Variants in PHKA2 observed in about 807,000 individuals in gnomAD.
The protein encoded by PHKA2 is phosphorylase kinase regulatory subunit alpha 2.
PHKA2 carries 31 observed loss-of-function variants against 102.0 expected under a neutral mutation model. That is an observed-to-expected ratio of 0.30 (90% CI 0.23 to 0.41). PHKA2 has a LOEUF of 0.41. Among genes scored for constraint, PHKA2 ranks in the 10% least tolerant of loss-of-function variants. The probability of loss-of-function intolerance (pLI) is 1.00; values close to 1 mark genes in which losing one functional copy is unlikely to be tolerated. For missense variants in PHKA2, 858 were observed against 1,023.1 expected, an observed-to-expected ratio of 0.84 and a Z score of 2.20; for synonymous variants, 455 against 416.2, an observed-to-expected ratio of 1.09 and a Z score of -1.13.
Position 18,932,380 on chromosome X carries a change from G to A in PHKA2, c.1138-632C>T, listed in dbSNP as rs1184355781. Among the ~76,000 whole-genome samples the A allele has an allele frequency of 5.4e-5, 6 of 111,091 alleles. No homozygotes were observed. In the East Asian group the frequency reaches 1.7e-3, roughly 32 times the overall value. On this transcript the variant is annotated intron_variant, in intron 11 of 32. Transcript: ENST00000379942. ...TTTCTCTCTTTTAAACTCCATGCTG[G>A]ACTTTGACATTTCAGTCATCACATC...
chrX:18,955,154 T>C (rs1031342360), intron 1 of PHKA2, among the ~76,000 whole-genome samples: 1 of 112,580 alleles, frequency 8.9e-6, no homozygotes, highest in Non-Finnish European at 1.9e-5. Context: ...CAATGAAACA[T>C]TATTTGGCAG....
At chrX:18,903,159 C>T (rs2047730309) in intron 26 of PHKA2, among the ~76,000 whole-genome samples, 1 of 112,216 alleles carries the variant, frequency 8.9e-6, no homozygotes. Context: ...TGGTATGGTT[C>T]TGTGACCTGC....
chrX:18,896,621 G>A (rs1264556371), intron 30 of PHKA2: 1 of 160,538 alleles, frequency 6.2e-6, no homozygotes, highest in Non-Finnish European at 1.2e-5. Flanking sequence ...TGAACAGCAG[G>A]GACACTACTC....
At chrX:18,940,118 C>T in intron 8 of PHKA2, 70 bp from the exon 9 acceptor site, 1 of 672,828 alleles carries the variant, frequency 1.5e-6, no homozygotes, top group South Asian at 2.2e-5. Flanking sequence ...GTCAGCCCTG[C>T]ACCCTCTTTC....
At chrX:18,912,302 T>C (rs773960991) in intron 19 of PHKA2, among the ~76,000 whole-genome samples, 1 of 111,894 alleles carries the variant, frequency 8.9e-6, no homozygotes, top group African/African-American at 3.3e-5. Context: ...ATGAACAGCA[T>C]AGAGTGTACT....
chrX:18,915,901 G>A (rs2048012409), intron 19 of PHKA2, among the ~76,000 whole-genome samples: 1 of 111,418 alleles, frequency 9.0e-6, no homozygotes, highest in Admixed American at 9.6e-5. Flanking sequence ...AAAGAACAGA[G>A]AAAATGTTGG....
intron 1 of PHKA2, among the ~76,000 whole-genome samples, chrX:18,957,575 T>C (rs1251399613): frequency 1.8e-5 from 2 of 110,813 alleles, no homozygotes; most frequent in Non-Finnish European, 3.8e-5. Flanking sequence ...ACACAGAGCA[T>C]TGTAGAAATA....
chrX:18,953,845 G>A (rs1002591478), intron 2 of PHKA2, among the ~76,000 whole-genome samples: 4 of 110,623 alleles, frequency 3.6e-5, no homozygotes, highest in East Asian at 5.7e-4. Flanking sequence ...AATTAGCTGC[G>A]CGTGGTGGCA....
At position 18,929,326 on chromosome X, in the gene PHKA2, A is replaced by T. The variant is rs1461298312; in HGVS notation, c.1246-20T>A. ...GAATCCCTATGAAAAGAGGAGCATT[A>T]ACACTATGAAATATTGATTAACTAA... On this transcript the variant is annotated intron_variant, in intron 12 of 32. Transcript: ENST00000379942. 1 of 1,016,433 alleles carries T rather than the reference A, an allele frequency of 9.8e-7. No homozygotes were observed. Among genetic ancestry groups the T allele is most frequent in the South Asian group, 2.0e-5 (1 of 49,506 alleles). The allele number at this position is 1,016,433 out of a possible 1,213,427, so 83.8% of individuals were successfully genotyped here. A position where few individuals can be genotyped will look rare whatever the true frequency, so the allele number is the denominator to read the frequency against.
At position 18,953,703 on chromosome X, in the gene PHKA2, G is replaced by A. The variant is rs1412532730; in HGVS notation, c.237+551C>T. Among the ~76,000 whole-genome samples the A allele has an allele frequency of 4.5e-5, 5 of 112,190 alleles. No individual in the cohort carries two copies. In the East Asian group the frequency reaches 1.4e-3, roughly 31 times the overall value. On this transcript the variant is annotated intron_variant, in intron 2 of 32. Transcript: ENST00000379942. ...ACACTTTGGGGTTAGAAATGTGGAT[G>A]CAGCCAGGTGCGGTGGCTCAGGCCT...
In PHKA2 at chrX:18,894,283, G is replaced by A. The variant is rs768511577; in HGVS notation, c.3458C>T (p.Thr1153Met). The change falls in exon 32 of 33, where the codon ACG (threonine) becomes ATG (methionine). Residue 1153 changes from threonine (T) to methionine (M), a missense_variant. Around this residue, in one of 2 missense-constraint regions of PHKA2, gnomAD observed 671 missense variants for 745.2 expected, o/e 0.90. Coordinates refer to ENST00000379942, the MANE Select transcript of PHKA2 (RefSeq NM_000292.3). ...GATGCCCCCGATGCTGGTCATCTCC[G>A]TGTCCGAGAGCAGCGTCAGCACCAT... ...AIMVLTLLSD[T>M]EMTSIGGIIH... 14 of 1,209,693 alleles carry A rather than the reference G, an allele frequency of 1.2e-5. No individual in the cohort carries two copies. The highest frequency in any genetic ancestry group is 6.5e-5 in the Admixed American group (3 of 45,834).
chrX:18,941,540 A>G lies in PHKA2; in HGVS notation c.853T>C (p.Ser285Pro). 1 of 1,209,644 alleles carries G rather than the reference A, an allele frequency of 8.3e-7. No individual in the cohort carries two copies. The highest frequency in any genetic ancestry group is 1.1e-6 in the Non-Finnish European group (1 of 893,324). The change falls in exon 8 of 33, where the codon TCT becomes CCT. Residue 285 changes from serine (S) to proline (P), a missense_variant. This residue lies in a region of PHKA2 where 187 missense variants were observed against 277.9 expected (regional missense o/e 0.67). Coordinates refer to ENST00000379942, the MANE Select transcript of PHKA2 (RefSeq NM_000292.3). ...LVNVTKNEII[S>P]KLQGRYGCCR... ...TGACTAATGCTTACCTGGAGCTTAG[A>G]AATAATTTCATTTTTGGTCACATTT...
At chrX:18,978,628 G>A (rs924741036) in intron 1 of PHKA2, among the ~76,000 whole-genome samples, 9 of 110,041 alleles carry the variant, frequency 8.2e-5, no homozygotes, top group African/African-American at 1.7e-4. Context: ...CAGGAGAATC[G>A]CTTGAACCTG....
chrX:18,903,586 G>T (rs1188037168), intron 26 of PHKA2, among the ~76,000 whole-genome samples: 1 of 112,385 alleles, frequency 8.9e-6, no homozygotes, highest in Non-Finnish European at 1.9e-5. Flanking sequence ...TGAGGGCAAG[G>T]TGCCAAATGA....
intron 11 of PHKA2, among the ~76,000 whole-genome samples, chrX:18,932,387 A>C (rs2048330823): frequency 9.0e-6 from 1 of 111,121 alleles, no homozygotes; most frequent in Non-Finnish European, 1.9e-5. Context: ...CTGGACTTTG[A>C]CATTTCAGTC....
intron 10 of PHKA2, among the ~76,000 whole-genome samples, chrX:18,937,479 T>A (rs946071085): frequency 9.0e-6 from 1 of 111,433 alleles, no homozygotes; most frequent in African/African-American, 3.3e-5. Context: ...CATGCTGTTA[T>A]AGTTGTGGGT....
intron 9 of PHKA2, among the ~76,000 whole-genome samples, chrX:18,939,041 TTA>T (rs1569318390): frequency 8.9e-6 from 1 of 112,621 alleles, no homozygotes; most frequent in Non-Finnish European, 1.9e-5. Context: ...AGGATCTGAT[TTA>T]TATCATTATA....
chrX:18,895,425 G>A (rs908525669), intron 30 of PHKA2: 3 of 434,925 alleles, frequency 6.9e-6, no homozygotes, highest in Middle Eastern at 6.4e-4. Context: ...GATCTCCCCC[G>A]AACAATGCCC....
chrX:18,906,795 G>A lies in PHKA2; in HGVS notation c.2617C>T (p.Leu873Phe). ...IISAPLPPEE[L>F]TKLIYEASGQ... ...CTGGCCTCGTAGATGAGTTTTGTGA[G>A]CTCCTCTGGGGGAAGGGGCCTAGAA... is the stretch of plus-strand genomic sequence containing the variant. Residue 873 changes from leucine (L) to phenylalanine (F), a missense_variant, in exon 24 of 33, where the codon CTC (leucine) becomes TTC (phenylalanine). Physicochemically the swap from Leu to Phe is conservative, Grantham distance 22 (BLOSUM62 0). This residue lies in a region of PHKA2 where 671 missense variants were observed against 745.2 expected (regional missense o/e 0.90). Coordinates refer to ENST00000379942, the MANE Select transcript of PHKA2 (RefSeq NM_000292.3). 1.7e-6 allele frequency: 2 copies of A among 1,209,676 alleles called. No homozygotes were observed. The highest frequency in any genetic ancestry group is 4.6e-4 in the Middle Eastern group (2 of 4,346).
Sources: allele counts gnomAD v4.1 joint callset (sites outside exome capture counted in the v4.1 genomes callset), GRCh38; gene constraint gnomAD v4.1.1; regional missense constraint gnomAD v4.1.1; transcripts MANE v1.5; gene names NCBI Gene and HGNC (gene_info 2026-07-23, HGNC 2026-07-21).